The following VPS13B variants were observed in gnomAD, a reference collection of about 807,000 sequenced individuals.
VPS13B encodes intermembrane lipid transfer protein VPS13B.
A neutral mutation model predicts 426.4 loss-of-function variants in VPS13B; 285 were observed. The observed-to-expected ratio is 0.67, with a 90% CI of 0.61 to 0.74. The LOEUF (loss-of-function observed/expected upper bound fraction) is 0.74. VPS13B is among the 30% of genes least tolerant of loss of function. VPS13B has a pLI of 0.00. For synonymous variants in VPS13B, 1,676 were observed against 1,676.4 expected (o/e 1.00, Z 0.01); for missense variants, 4,537 against 4,782.6 (o/e 0.95, Z 1.51).
At chr8:99,854,637 G>A (rs374909004) in intron 56 of VPS13B, among the ~76,000 whole-genome samples, 1,672 of 133,428 alleles carry the variant, frequency 0.013, 37 homozygotes, top group African/African-American at 0.051. Flanking sequence ...GCAACTTGCA[G>A]GCACAGAGCC....
intron 4 of VPS13B, 86 bp downstream of exon 4, chr8:99,096,518 G>T (rs1846429343): frequency 2.6e-6 from 4 of 1,568,326 alleles, no homozygotes; most frequent in African/African-American, 1.4e-5. Context: ...TGCTTTGGGG[G>T]GCTGAGGCGG....
chr8:99,172,749 T>C (rs774012469), intron 16 of VPS13B, among the ~76,000 whole-genome samples: 1 of 152,196 alleles, frequency 6.6e-6, no homozygotes, highest in African/African-American at 2.4e-5. Flanking sequence ...TAGATATTAT[T>C]GTAATTCTGA....
At chr8:99,321,210 CTTTTTTT>C (rs58817658) in intron 19 of VPS13B, among the ~76,000 whole-genome samples, 1 of 93,994 alleles carries the variant, frequency 1.1e-5, no homozygotes, top group East Asian at 2.6e-4. Flanking sequence ...TTTTCTTTTT[CTTTTTTT>C]TTTTTTTTTT....
chr8:99,186,164 A>C (rs183999956), intron 16 of VPS13B, among the ~76,000 whole-genome samples: 4 of 152,264 alleles, frequency 2.6e-5, no homozygotes, highest in African/African-American at 9.6e-5. Flanking sequence ...TGTGTTAAAG[A>C]AATTATTTTA....
chr8:99,383,889 T>A lies in VPS13B; in HGVS notation c.2825-319T>A, dbSNP rs145188566. ...CATGGAAATTTATATTGATTTCACT[T>A]TTTGGCTGTTACGAATTATGCTGAT... On this transcript the variant is annotated intron_variant, in intron 19 of 61. Transcript: ENST00000357162. 1.8e-4 allele frequency among the ~76,000 whole-genome samples: 27 copies of A among 152,354 alleles called. No individual in the cohort carries two copies. The East Asian group carries it at 5.0e-3, about 28-fold the overall frequency.
chr8:99,510,144 GAC>G (rs1821707225), intron 28 of VPS13B, among the ~76,000 whole-genome samples: 1 of 152,192 alleles, frequency 6.6e-6, no homozygotes, highest in Non-Finnish European at 1.5e-5. Context: ...AGTTCTGAAA[GAC>G]AAATGTTATA....
At chr8:99,473,213 T>C (rs1819504176) in intron 24 of VPS13B, among the ~76,000 whole-genome samples, 1 of 152,070 alleles carries the variant, frequency 6.6e-6, no homozygotes, top group Admixed American at 6.6e-5. Flanking sequence ...AGAAGGAAAC[T>C]AGGTATTAAT....
rs1811227024 is a variant in VPS13B, at chr8:99,341,224, A to G, written c.2825-42984A>G. 3 of 182,958 alleles carry G rather than the reference A, an allele frequency of 1.6e-5. No homozygotes were observed. The South Asian group carries it at 3.7e-4, about 23-fold the overall frequency. The allele number at this position is 182,958 out of a possible 1,614,324, so 11.3% of individuals were successfully genotyped here. A position where few individuals can be genotyped will look rare whatever the true frequency, so the allele number is the denominator to read the frequency against. On this transcript the variant is annotated intron_variant, in intron 19 of 61. Coordinates refer to ENST00000357162, the MANE Select transcript of VPS13B (RefSeq NM_152564.5). ...CTGAAAAAGCTGTGTTGATAGCAAA[A>G]TGCTTCTCGTAGGACTCCAAAATCA...
chr8:99,772,662 G>A (rs1811565864), intron 40 of VPS13B, among the ~76,000 whole-genome samples: 1 of 152,132 alleles, frequency 6.6e-6, no homozygotes, highest in Non-Finnish European at 1.5e-5. Context: ...AAAATAGTAT[G>A]CATCATATTT....
chr8:99,424,103 G>A (rs898364344), intron 21 of VPS13B, among the ~76,000 whole-genome samples: 1 of 152,226 alleles, frequency 6.6e-6, no homozygotes, highest in African/African-American at 2.4e-5. Flanking sequence ...TGTATTGGGT[G>A]CATATATATT....
chr8:99,308,616 T>C (rs559300837), intron 19 of VPS13B, among the ~76,000 whole-genome samples: 3 of 152,306 alleles, frequency 2.0e-5, no homozygotes, highest in Admixed American at 6.5e-5. Context: ...TCTTTGCTAT[T>C]GTGAATAGTG....
intron 33 of VPS13B, among the ~76,000 whole-genome samples, chr8:99,602,864 T>G (rs1408007146): frequency 1.3e-5 from 2 of 152,260 alleles, no homozygotes; most frequent in South Asian, 4.1e-4. Context: ...AAACCACTGC[T>G]CAAGGAAATA....
chr8:99,328,318 G>A (rs1810386548), intron 19 of VPS13B, among the ~76,000 whole-genome samples: 1 of 152,148 alleles, frequency 6.6e-6, no homozygotes, highest in African/African-American at 2.4e-5. Flanking sequence ...GTTCAGGAGT[G>A]CTGATAGAAA....
At chr8:99,122,855 G>A (rs1032946946) in intron 8 of VPS13B, among the ~76,000 whole-genome samples, 6 of 152,042 alleles carry the variant, frequency 3.9e-5, no homozygotes, top group Non-Finnish European at 7.4e-5. Flanking sequence ...GCTCACGCCT[G>A]TAATCCCAGC....
At chr8:99,503,727 G>T (rs1299838199) in intron 27 of VPS13B, among the ~76,000 whole-genome samples, 2 of 152,012 alleles carry the variant, frequency 1.3e-5, no homozygotes, top group Non-Finnish European at 2.9e-5. Context: ...CCATCTTTAG[G>T]CTCCACTCCT....
At chr8:99,154,446 G>A (rs1174640451) in intron 14 of VPS13B, among the ~76,000 whole-genome samples, 1 of 151,966 alleles carries the variant, frequency 6.6e-6, no homozygotes, top group African/African-American at 2.4e-5. Context: ...TGTTAGCCAT[G>A]TCTGGTCTTC....
intron 21 of VPS13B, among the ~76,000 whole-genome samples, chr8:99,399,765 G>A (rs1183746823): frequency 6.6e-6 from 1 of 152,140 alleles, no homozygotes; most frequent in Non-Finnish European, 1.5e-5. Context: ...TATTTAGTAT[G>A]TCTCCATGTG....
intron 6 of VPS13B, among the ~76,000 whole-genome samples, chr8:99,112,442 G>A (rs1847412843): frequency 1.3e-5 from 2 of 151,974 alleles, no homozygotes; most frequent in Admixed American, 6.6e-5. Context: ...TACTTAATAT[G>A]TAAAATCTAC....
At chr8:99,416,707 G>A (rs536583407) in intron 21 of VPS13B, among the ~76,000 whole-genome samples, 7 of 152,190 alleles carry the variant, frequency 4.6e-5, no homozygotes, top group African/African-American at 9.6e-5. Context: ...TGAGTGAGGC[G>A]ATGCCCCACC....
Sources: gnomAD v4.1 joint callset for allele counts (sites outside exome capture counted in the v4.1 genomes callset) on GRCh38, gnomAD v4.1.1 for gene constraint, MANE v1.5 for transcripts, NCBI Gene and HGNC (gene_info 2026-07-23, HGNC 2026-07-21) for gene names.